NPEPPS: variants seen among roughly 807,000 people sequenced by gnomAD.
The protein encoded by NPEPPS is aminopeptidase puromycin sensitive.
A neutral mutation model predicts 115.5 loss-of-function variants in NPEPPS; 14 were observed. The ratio of observed to expected loss-of-function variants is 0.12; its 90% CI spans 0.08 to 0.19. NPEPPS has a LOEUF of 0.19. NPEPPS is among the 10% of genes least tolerant of loss of function. The probability of loss-of-function intolerance (pLI) is 1.00; values close to 1 mark genes in which losing one functional copy is unlikely to be tolerated. For synonymous variants in NPEPPS, 285 were observed against 390.6 expected (o/e 0.73, Z 3.19); for missense variants, 523 against 1,110.8 (o/e 0.47, Z 7.52).
At chr17:47,575,824 G>A (rs1367407575) in intron 3 of NPEPPS, among the ~76,000 whole-genome samples, 1 of 151,814 alleles carries the variant, frequency 6.6e-6, no homozygotes, top group South Asian at 2.1e-4. Context: ...TAGCCAGGAT[G>A]GTCTTGATCT....
rs560110110 is a variant in NPEPPS at position 47,564,083 on chromosome 17, C to T, written c.341-5334C>T. On this transcript the variant is annotated intron_variant, in intron 2 of 22. Transcript: ENST00000322157. ...AAGTAGTTGGGATTACAGGCGCACG[C>T]CACCATGCCCTGCTAATTTTTGTAT... is the stretch of plus-strand genomic sequence containing the variant. Among the ~76,000 whole-genome samples the T allele has an allele frequency of 2.6e-3, 389 of 151,990 alleles. 1 individual carries two copies. The highest frequency in any genetic ancestry group is 9.1e-3 in the African/African-American group (377 of 41,466).
intron 14 of NPEPPS, 91 bp downstream of exon 14, chr17:47,599,830 T>A: frequency 8.6e-7 from 1 of 1,166,308 alleles, no homozygotes; most frequent in Non-Finnish European, 1.2e-6. Context: ...ATTTTTCTTT[T>A]TTTTTTTTGA....
intron 14 of NPEPPS, among the ~76,000 whole-genome samples, chr17:47,600,231 C>T (rs1008331134): frequency 2.0e-5 from 3 of 151,990 alleles, no homozygotes; most frequent in Non-Finnish European, 2.9e-5. Flanking sequence ...CCCAGGGGTT[C>T]GAGACCAGCC....
At chr17:47,554,034 G>A (rs1050279406) in intron 2 of NPEPPS, among the ~76,000 whole-genome samples, 3 of 140,848 alleles carry the variant, frequency 2.1e-5, no homozygotes, top group Admixed American at 7.6e-5. Context: ...ACAGGTGTGA[G>A]CCACAGTATC....
At chr17:47,533,717 T>G (rs1907992246) in intron 1 of NPEPPS, among the ~76,000 whole-genome samples, 1 of 152,106 alleles carries the variant, frequency 6.6e-6, no homozygotes. Flanking sequence ...GGAAGACTGG[T>G]TTGTGCCATT....
Position 47,621,360 on chromosome 17 carries a change from T to G in NPEPPS, c.2608-408T>G, listed in dbSNP as rs1031819903. On this transcript the variant is annotated intron_variant, in intron 22 of 22. Coordinates refer to ENST00000322157, the MANE Select transcript of NPEPPS (RefSeq NM_006310.4). The stretch of plus-strand genomic sequence containing the variant: ...TCAAATGTTTATATGGATTGTCTCT[T>G]TAATCTTCTGGAGTAGATATTTTCT... Among the ~76,000 whole-genome samples, 71 of 152,158 alleles carry G rather than the reference T, an allele frequency of 4.7e-4. 1 individual carries two copies. Among genetic ancestry groups the G allele is most frequent in the African/African-American group, 1.6e-3 (66 of 41,436 alleles).
At chr17:47,568,983 A>G (rs1246988347) in intron 2 of NPEPPS, among the ~76,000 whole-genome samples, 1 of 152,164 alleles carries the variant, frequency 6.6e-6, no homozygotes, top group Non-Finnish European at 1.5e-5. Flanking sequence ...AGAAGTGGGT[A>G]TGATTTATAT....
chr17:47,618,498 C>T (rs577310764), intron 20 of NPEPPS, 41 bp downstream of exon 20: 2 of 1,338,662 alleles, frequency 1.5e-6, no homozygotes, highest in East Asian at 2.3e-5. Flanking sequence ...TGAATCGTTA[C>T]CCATCTCTGA....
chr17:47,537,397 T>TAA (rs1009358879), intron 1 of NPEPPS, among the ~76,000 whole-genome samples: 9 of 151,704 alleles, frequency 5.9e-5, no homozygotes, highest in Non-Finnish European at 1.3e-4. Context: ...TAGACATTTT[T>TAA]AAAAAAGTTT....
intron 17 of NPEPPS, among the ~76,000 whole-genome samples, chr17:47,610,384 CT>C (rs879852800): frequency 2.4e-4 from 35 of 148,728 alleles, no homozygotes; most frequent in Non-Finnish European, 2.7e-4. Context: ...TCTTTCATTC[CT>C]TTTTTTTTTG....
At position 47,579,487 on chromosome 17, in the gene NPEPPS, C is replaced by G. The variant is rs756499781; in HGVS notation, c.516C>G (p.Arg172=). Residue 172 remains arginine, a synonymous_variant, in exon 4 of 23, where the codon CGC becomes CGG. Coordinates refer to ENST00000322157, the MANE Select transcript of NPEPPS (RefSeq NM_006310.4). ...SKYTTPSGEV[R]YAAVTQFEAT... is the part of the protein sequence containing the mutation. ...ATACTACCCCTTCTGGAGAGGTGCGCTATGCTGCTGTAACACAGTTTGAGG... is the reference window on the plus strand; with the variant it reads ...ATACTACCCCTTCTGGAGAGGTGCGGTATGCTGCTGTAACACAGTTTGAGG... 12 of 1,609,378 alleles carry G rather than the reference C, an allele frequency of 7.5e-6. No individual in the cohort carries two copies. The Admixed American group carries it at 1.9e-4, about 25-fold the overall frequency.
intron 2 of NPEPPS, among the ~76,000 whole-genome samples, chr17:47,563,639 C>T (rs927387377): frequency 4.2e-4 from 64 of 151,890 alleles, no homozygotes; most frequent in African/African-American, 1.5e-3. Context: ...GGCACGATCT[C>T]GGCTCGCTGC....
At chr17:47,618,546 C>A in intron 20 of NPEPPS, 89 bp downstream of exon 20, 1 of 876,690 alleles carries the variant, frequency 1.1e-6, no homozygotes, top group Non-Finnish European at 1.8e-6. Flanking sequence ...TCTTGAGCTG[C>A]CTTAACCCTA....
At position 47,548,004 on chromosome 17, in the gene NPEPPS, C is replaced by T. The variant is rs558748674; in HGVS notation, c.340+2011C>T. ...TCGCGCCACTGCACTCCAGCCTGGG[C>T]GACAGAGCGAGACTCCGTCTCAAAA... On this transcript the variant is annotated intron_variant, in intron 2 of 22. Coordinates refer to ENST00000322157, the MANE Select transcript of NPEPPS (RefSeq NM_006310.4). 3.3e-3 allele frequency among the ~76,000 whole-genome samples: 500 copies of T among 151,990 alleles called. 2 individuals are homozygous for T. Among genetic ancestry groups the T allele is most frequent in the Non-Finnish European group, 5.4e-3 (369 of 67,988 alleles).
Position 47,586,370 on chromosome 17 carries a change from A to T in NPEPPS, c.952A>T (p.Met318Leu). 6.6e-7 allele frequency: 1 copy of T among 1,522,366 alleles called. No individual in the cohort carries two copies. The highest frequency in any genetic ancestry group is 8.8e-7 in the Non-Finnish European group (1 of 1,130,262). The allele number at this position is 1,522,366 out of a possible 1,614,324, so 94.3% of individuals were successfully genotyped here. A position where few individuals can be genotyped will look rare whatever the true frequency, so the allele number is the denominator to read the frequency against. Residue 318 changes from methionine to leucine, a missense_variant, in exon 8 of 23, where the codon ATG becomes TTG. Physicochemically the swap from Met to Leu is conservative, Grantham distance 15. Around this residue, in one of 4 missense-constraint regions of NPEPPS, gnomAD observed 144 missense variants for 512.4 expected, o/e 0.28. Transcript: ENST00000322157. ...IAIADFAAGA[M>L]ENWGLVTYRE... The stretch of plus-strand genomic sequence containing the variant: ...TTTATATTTATTTTGTGAAGGTGCC[A>T]TGGAGAACTGGGGCCTTGTTACTTA...
At chr17:47,599,551 T>G (rs1037862407) in intron 13 of NPEPPS, 125 bp from the exon 14 acceptor site, 11 of 703,136 alleles carry the variant, frequency 1.6e-5, no homozygotes, top group Non-Finnish European at 2.5e-5. Flanking sequence ...TGTATACTCA[T>G]GAGACATTTG....
At chr17:47,532,632 C>G (rs1487744046) in intron 1 of NPEPPS, among the ~76,000 whole-genome samples, 1 of 139,184 alleles carries the variant, frequency 7.2e-6, no homozygotes, top group East Asian at 2.1e-4. Context: ...GCATTCCAGC[C>G]TGGGCGACAG....
rs1398793268 is a variant in NPEPPS at position 47,547,805 on chromosome 17, T to A, written c.340+1812T>A. On this transcript the variant is annotated intron_variant, in intron 2 of 22. Transcript: ENST00000322157. ...ACTTTGGGAGGCCGAGGCGGGTGGA[T>A]CACAAGGTCAGGAGATCGAGACCAT... Among the ~76,000 whole-genome samples the A allele has an allele frequency of 7.2e-5, 11 of 152,126 alleles. No homozygotes were observed. The East Asian group carries it at 1.9e-3, about 27-fold the overall frequency.
intron 3 of NPEPPS, among the ~76,000 whole-genome samples, chr17:47,572,077 A>T (rs796277995): frequency 2.0e-5 from 3 of 152,182 alleles, no homozygotes; most frequent in African/African-American, 7.2e-5. Context: ...CAGAGGGCAG[A>T]GGCTCAGGGA....
Sources: gnomAD v4.1 joint callset for allele counts (sites outside exome capture counted in the v4.1 genomes callset) on GRCh38, gnomAD v4.1.1 for gene constraint, gnomAD v4.1.1 regional missense constraint, MANE v1.5 for transcripts, NCBI Gene and HGNC (gene_info 2026-07-23, HGNC 2026-07-21) for gene names.